WDHD1: variants seen among roughly 807,000 people sequenced by gnomAD.
WDHD1 encodes the protein WD repeat and HMG-box DNA-binding protein 1.
WDHD1 carries 111 observed loss-of-function variants against 135.4 expected under a neutral mutation model. The observed-to-expected ratio is 0.82, with a 90% CI of 0.70 to 0.96. The LOEUF (loss-of-function observed/expected upper bound fraction) is 0.96, where lower values mean the gene tolerates loss of function less well. Ranked by LOEUF, WDHD1 falls within the 40% of genes least tolerant of loss-of-function variation. The probability of loss-of-function intolerance (pLI) is 0.00; values close to 1 mark genes in which losing one functional copy is unlikely to be tolerated. For missense variants in WDHD1, 1,351 were observed against 1,336.3 expected, an observed-to-expected ratio of 1.01 and a Z score of -0.17; for synonymous variants, 434 against 439.0, an observed-to-expected ratio of 0.99 and a Z score of 0.14.
At chr14:55,000,451 A>C (rs560102118) in intron 10 of WDHD1, 52 bp downstream of exon 10, 1 of 1,505,130 alleles carries the variant, frequency 6.6e-7, no homozygotes, top group African/African-American at 1.4e-5. Flanking sequence ...TTCCAAATCC[A>C]TATGATCACA....
chr14:54,947,727 G>T (rs113259096), intron 24 of WDHD1, among the ~76,000 whole-genome samples: 2 of 151,792 alleles, frequency 1.3e-5, no homozygotes, highest in Admixed American at 6.6e-5. Context: ...AAGTAGCTGG[G>T]ATTACAGGCA....
At chr14:54,958,667 G>C (rs1424970686) in intron 21 of WDHD1, among the ~76,000 whole-genome samples, 2 of 152,054 alleles carry the variant, frequency 1.3e-5, no homozygotes, top group African/African-American at 4.8e-5. Context: ...GTCCTCTCTT[G>C]ACTTCTGAGA....
Position 54,971,168 on chromosome 14 carries a change from T to C in WDHD1, c.2064-3774A>G, listed in dbSNP as rs114681846. On this transcript the variant is annotated intron_variant, in intron 16 of 25. Coordinates refer to ENST00000360586, the MANE Select transcript of WDHD1 (RefSeq NM_007086.4). The stretch of plus-strand genomic sequence containing the variant: ...ACCCTAGCAAATACCCTTCAGGATA[T>C]TGGCCTTGGTAAATATTTCATGACT... 4.3e-3 allele frequency among the ~76,000 whole-genome samples: 660 copies of C among 152,328 alleles called. 4 individuals carry two copies. Among genetic ancestry groups the C allele is most frequent in the African/African-American group, 0.014 (602 of 41,566 alleles).
rs377481620 is a variant in WDHD1 at position 54,940,828 on chromosome 14, A to G, written c.*662T>C. 10 of 152,256 alleles carry G rather than the reference A, an allele frequency of 6.6e-5. No homozygotes were observed. The East Asian group carries it at 1.7e-3, about 26-fold the overall frequency. The allele number at this position is 152,256 out of a possible 1,614,324, so 9.4% of individuals were successfully genotyped here. A position where few individuals can be genotyped will look rare whatever the true frequency, so the allele number is the denominator to read the frequency against. On this transcript the variant is annotated 3_prime_UTR_variant, in exon 26 of 26. Coordinates refer to ENST00000360586, the MANE Select transcript of WDHD1 (RefSeq NM_007086.4). ...TGGTAGAAATTATGGTAGTAAATAT[A>G]TATTTTCTAGAAATATATCCATTTC... is the stretch of plus-strand genomic sequence containing the variant.
Position 54,966,533 on chromosome 14 carries a change from T to C in WDHD1, c.2252A>G (p.Glu751Gly). The C allele has an allele frequency of 6.2e-7, 1 of 1,609,492 alleles. No homozygotes were observed. The highest frequency in any genetic ancestry group is 8.5e-7 in the Non-Finnish European group (1 of 1,179,156). ...TTTTGTTGCTTGATTTTTAGTGCTC[T>C]CTTCATATTCATAACCATTTTTAGC... The part of the protein sequence containing the change: ...YLAKNGYEYE[E>G]STKNQATKEQ... The change falls in exon 18 of 26, where the codon GAG (glutamate) becomes GGG (glycine). Residue 751 changes from glutamate (E) to glycine (G), a missense_variant. Coordinates refer to ENST00000360586, the MANE Select transcript of WDHD1 (RefSeq NM_007086.4).
At chr14:55,008,845 G>A (rs1329358590) in intron 4 of WDHD1, 126 bp from the exon 5 acceptor site, 2 of 690,668 alleles carry the variant, frequency 2.9e-6, no homozygotes, top group African/African-American at 1.8e-5. Flanking sequence ...CTGTCACCCA[G>A]GCTGGAGTGC....
In WDHD1 at chr14:54,945,240, C is replaced by T. The variant is rs564907838; in HGVS notation, c.3051-770G>A. On this transcript the variant is annotated intron_variant, in intron 24 of 25. Transcript: ENST00000360586. Reference sequence around the variant, plus strand: ...AGCATTAGGTGAAGCACGGACACAGCACATTTGTACATTTCATTAGATTCC... The same window carrying T: ...AGCATTAGGTGAAGCACGGACACAGTACATTTGTACATTTCATTAGATTCC... Among the ~76,000 whole-genome samples, 5 of 152,318 alleles carry T rather than the reference C, an allele frequency of 3.3e-5. No individual in the cohort carries two copies. The South Asian group carries it at 1.0e-3, about 32-fold the overall frequency.
intron 21 of WDHD1, 85 bp downstream of exon 21, chr14:54,962,413 G>A (rs2041266483): frequency 1.0e-6 from 1 of 998,588 alleles, no homozygotes; most frequent in African/African-American, 1.6e-5. Flanking sequence ...GGCCTTAAGA[G>A]TTAAGGTGTA....
intron 2 of WDHD1, among the ~76,000 whole-genome samples, chr14:55,015,368 T>C (rs2042242002): frequency 9.7e-6 from 1 of 103,360 alleles, no homozygotes; most frequent in Admixed American, 1.6e-4. Flanking sequence ...GGAAACAGCA[T>C]GACACTGTCT....
rs550178254 is a variant in WDHD1 at position 54,952,457 on chromosome 14, A to G, written c.3050+3104T>C. ...CAAGGGATGTGAAGGACCTCTTCAA[A>G]GAGAACTACAAACCACTGCTCAATG... On this transcript the variant is annotated intron_variant, in intron 24 of 25. Coordinates refer to ENST00000360586, the MANE Select transcript of WDHD1 (RefSeq NM_007086.4). 4.0e-4 allele frequency among the ~76,000 whole-genome samples: 61 copies of G among 152,294 alleles called. No homozygotes were observed. The South Asian group carries it at 0.012, about 31-fold the overall frequency.
chr14:54,972,380 C>T (rs1371223158), intron 16 of WDHD1, among the ~76,000 whole-genome samples: 1 of 150,964 alleles, frequency 6.6e-6, no homozygotes, highest in Non-Finnish European at 1.5e-5. Context: ...GAGCTCGAGA[C>T]CAGCCTGGCC....
chr14:55,003,861 G>A (rs1203977214), intron 7 of WDHD1, among the ~76,000 whole-genome samples: 1 of 152,130 alleles, frequency 6.6e-6, no homozygotes, highest in Non-Finnish European at 1.5e-5. Flanking sequence ...ACTGTGCCCA[G>A]CTACCAACTG....
At chr14:55,001,059 C>A in intron 8 of WDHD1, 67 bp from the exon 9 acceptor site, 4 of 1,054,654 alleles carry the variant, frequency 3.8e-6, no homozygotes, top group Non-Finnish European at 3.9e-6. Flanking sequence ...CATTTTATTA[C>A]CAAATTCAAT....
At chr14:55,016,931 T>C (rs541943815) in intron 2 of WDHD1, among the ~76,000 whole-genome samples, 8 of 152,332 alleles carry the variant, frequency 5.3e-5, no homozygotes, top group Non-Finnish European at 8.8e-5. Flanking sequence ...GGTATGGCCA[T>C]AGACAGCAAA....
chr14:55,023,299 A>G (rs1419017530), intron 2 of WDHD1, among the ~76,000 whole-genome samples: 1 of 152,226 alleles, frequency 6.6e-6, no homozygotes, highest in East Asian at 1.9e-4. Flanking sequence ...CTATACCCAC[A>G]TAAAAGCTGC....
chr14:54,947,281 T>C (rs151309439), intron 24 of WDHD1, among the ~76,000 whole-genome samples: 86 of 152,226 alleles, frequency 5.6e-4, no homozygotes, highest in African/African-American at 1.8e-3. Context: ...GAGGTTGCAG[T>C]GAGCCGAGAT....
chr14:54,981,144 CA>C (rs1385034576), intron 16 of WDHD1, among the ~76,000 whole-genome samples: 2 of 152,072 alleles, frequency 1.3e-5, no homozygotes, highest in Non-Finnish European at 2.9e-5. Context: ...GATAATTAAG[CA>C]AAACATCTCA....
chr14:54,958,128 ATT>A (rs35354246), intron 21 of WDHD1, among the ~76,000 whole-genome samples: 3 of 139,904 alleles, frequency 2.1e-5, no homozygotes, highest in Admixed American at 7.2e-5. Context: ...CCATCCAGCC[ATT>A]TTTTTTTTTT....
intron 1 of WDHD1, 74 bp from the exon 2 acceptor site, chr14:55,026,877 G>C: frequency 1.4e-6 from 2 of 1,458,048 alleles, no homozygotes; most frequent in Non-Finnish European, 1.9e-6. Flanking sequence ...TAGGAAGAGA[G>C]CTTAGTCTCC....
Sources: gnomAD v4.1 joint callset for allele counts (sites outside exome capture counted in the v4.1 genomes callset) on GRCh38, gnomAD v4.1.1 for gene constraint, MANE v1.5 for transcripts, NCBI Gene and HGNC (gene_info 2026-07-23, HGNC 2026-07-21) for gene names.